Variants in PTK2 observed in about 807,000 individuals in gnomAD.
PTK2 encodes focal adhesion kinase 1.
In PTK2, 45 loss-of-function variants were observed where a neutral mutation model predicts 150.1. The observed-to-expected ratio is 0.30, with a 90% CI of 0.24 to 0.38. The LOEUF (loss-of-function observed/expected upper bound fraction) is 0.38. Ranked by LOEUF, PTK2 falls within the 10% of genes least tolerant of loss-of-function variation. The pLI is 1.00. For synonymous variants in PTK2, 432 were observed against 449.2 expected (o/e 0.96, Z 0.48); for missense variants, 919 against 1,307.3 (o/e 0.70, Z 4.58).
At chr8:140,911,013 AACT>A (rs1434663786) in intron 2 of PTK2, among the ~76,000 whole-genome samples, 1 of 151,664 alleles carries the variant, frequency 6.6e-6, no homozygotes, top group Admixed American at 6.6e-5. Context: ...AAGTAGCTGG[AACT>A]ACAAGTGTCG....
At chr8:140,891,977 G>A (rs551931353) in intron 2 of PTK2, among the ~76,000 whole-genome samples, 70 of 151,944 alleles carry the variant, frequency 4.6e-4, no homozygotes, top group African/African-American at 1.6e-3. Flanking sequence ...AGGCTGAGGC[G>A]GGAAGACTGC....
intron 23 of PTK2, among the ~76,000 whole-genome samples, chr8:140,709,211 C>T (rs142961724): frequency 4.1e-4 from 62 of 152,114 alleles, no homozygotes; most frequent in Non-Finnish European, 6.8e-4. Flanking sequence ...TTCTGACTCA[C>T]CAAATAAAAA....
chr8:140,748,672 A>C (rs1367825412), intron 17 of PTK2, among the ~76,000 whole-genome samples: 1 of 152,148 alleles, frequency 6.6e-6, no homozygotes, highest in Non-Finnish European at 1.5e-5. Flanking sequence ...CGCCTAATTG[A>C]GCCAAGATGA....
chr8:140,935,702 C>CTTTTTTTTTTTTTTTT (rs34554819), intron 1 of PTK2, among the ~76,000 whole-genome samples: 3 of 123,860 alleles, frequency 2.4e-5, no homozygotes, highest in African/African-American at 9.1e-5. Context: ...ATGTCCTCAT[C>CTTTTTTTTTTTTTTTT]TTTTTTTTTT....
At chr8:140,739,736 C>G (rs1303188654) in intron 20 of PTK2, among the ~76,000 whole-genome samples, 3 of 152,148 alleles carry the variant, frequency 2.0e-5, no homozygotes, top group South Asian at 2.1e-4. Flanking sequence ...GGGATTCAAA[C>G]CTCTCCAACC....
At chr8:140,661,590 G>A (rs968471802) in intron 31 of PTK2, among the ~76,000 whole-genome samples, 2 of 152,206 alleles carry the variant, frequency 1.3e-5, no homozygotes, top group African/African-American at 2.4e-5. Flanking sequence ...CTATGAGAAT[G>A]AGAAGAACTA....
intron 4 of PTK2, among the ~76,000 whole-genome samples, chr8:140,867,747 G>GA (rs2100140196): frequency 6.6e-6 from 1 of 152,088 alleles, no homozygotes; most frequent in African/African-American, 2.4e-5. Context: ...AACCTAAAAC[G>GA]AAAGTTAAAA....
intron 1 of PTK2, among the ~76,000 whole-genome samples, chr8:140,949,006 G>A (rs1157682775): frequency 5.3e-5 from 8 of 151,134 alleles, no homozygotes; most frequent in Non-Finnish European, 7.4e-5. Context: ...TTTGCCACCC[G>A]AGACAGCAAG....
intron 2 of PTK2, among the ~76,000 whole-genome samples, chr8:140,919,041 T>G (rs547257882): frequency 6.6e-6 from 1 of 152,234 alleles, no homozygotes; most frequent in African/African-American, 2.4e-5. Flanking sequence ...AGTTACACAC[T>G]GGGCAATCAC....
intron 16 of PTK2, among the ~76,000 whole-genome samples, chr8:140,757,993 T>A (rs1204426144): frequency 6.6e-6 from 1 of 152,184 alleles, no homozygotes; most frequent in Non-Finnish European, 1.5e-5. Context: ...ATGATAATGA[T>A]AATAAACGAC....
chr8:140,786,292 A>G (rs558113440), intron 14 of PTK2, among the ~76,000 whole-genome samples: 10 of 152,342 alleles, frequency 6.6e-5, no homozygotes, highest in African/African-American at 1.4e-4. Context: ...CTTACTGTGG[A>G]GAAGCACATG....
chr8:140,885,336 C>G (rs1013153573), intron 3 of PTK2, among the ~76,000 whole-genome samples: 1 of 152,120 alleles, frequency 6.6e-6, no homozygotes, highest in African/African-American at 2.4e-5. Context: ...TATAGTCATT[C>G]AACAAAAGTA....
chr8:140,884,139 T>C (rs1038730750), intron 3 of PTK2, among the ~76,000 whole-genome samples: 4 of 152,142 alleles, frequency 2.6e-5, no homozygotes, highest in African/African-American at 9.7e-5. Flanking sequence ...CAAGTCCCTC[T>C]GGCCACGTAA....
chr8:140,743,336 A>AT lies in PTK2; in HGVS notation c.1635-7_1635-6insA. On this transcript the variant is annotated splice_region_variant and splice_polypyrimidine_tract_variant and intron_variant, in intron 19 of 31. Coordinates refer to ENST00000522684, the Ensembl canonical transcript of PTK2. Reference sequence around the variant, plus strand: ...CATTCCGAGCAGCAATGTCCCTGATAAAGAAGAATTTGAGACAATAAGACT... The same window carrying AT: ...CATTCCGAGCAGCAATGTCCCTGATATAAGAAGAATTTGAGACAATAAGACT... The AT allele has an allele frequency of 6.2e-7, 1 of 1,607,722 alleles. No individual in the cohort carries two copies. Among genetic ancestry groups the AT allele is most frequent in the Non-Finnish European group, 8.5e-7 (1 of 1,174,936 alleles).
chr8:140,742,241 T>C (rs1485928718), intron 20 of PTK2, among the ~76,000 whole-genome samples: 3 of 152,218 alleles, frequency 2.0e-5, no homozygotes, highest in African/African-American at 7.2e-5. Flanking sequence ...AGGCAATCAA[T>C]ACAACCAGCC....
chr8:140,894,635 T>C (rs1269107086), intron 2 of PTK2, among the ~76,000 whole-genome samples: 1 of 152,132 alleles, frequency 6.6e-6, no homozygotes, highest in Admixed American at 6.6e-5. Flanking sequence ...AAAGTGCAAA[T>C]CACGGCCACA....
chr8:140,728,851 T>C (rs1161047444), intron 22 of PTK2, among the ~76,000 whole-genome samples: 2 of 152,136 alleles, frequency 1.3e-5, no homozygotes, highest in Non-Finnish European at 2.9e-5. Context: ...AGAATATGGG[T>C]AGTATTTGTG....
At chr8:140,828,632 T>C (rs2100113395) in intron 8 of PTK2, among the ~76,000 whole-genome samples, 1 of 152,186 alleles carries the variant, frequency 6.6e-6, no homozygotes, top group Non-Finnish European at 1.5e-5. Context: ...AGAGTACTCT[T>C]CTATCCAACA....
chr8:140,984,913 G>A (rs2100192757), intron 1 of PTK2, among the ~76,000 whole-genome samples: 1 of 152,108 alleles, frequency 6.6e-6, no homozygotes, highest in Admixed American at 6.5e-5. Flanking sequence ...TGAATCTAGT[G>A]CACGGTTAAA....
Sources: gnomAD v4.1 joint callset for allele counts (sites outside exome capture counted in the v4.1 genomes callset) on GRCh38, gnomAD v4.1.1 for gene constraint, MANE v1.5 for transcripts, NCBI Gene and HGNC (gene_info 2026-07-23, HGNC 2026-07-21) for gene names.